Variants in CA10 observed in about 807,000 individuals in gnomAD.
CA10 encodes the protein carbonic anhydrase-related protein 10.
Under a neutral mutation model 44.2 loss-of-function variants are expected in CA10, and 14 were observed. That is an observed-to-expected ratio of 0.32 (90% CI 0.21 to 0.50). CA10 has a LOEUF of 0.50. Ranked by LOEUF, CA10 falls within the 20% of genes least tolerant of loss-of-function variation. CA10 has a pLI of 0.99. For synonymous variants in CA10, 159 were observed against 141.6 expected (o/e 1.12, Z -0.87); for missense variants, 350 against 409.7 (o/e 0.85, Z 1.26).
intron 3 of CA10, among the ~76,000 whole-genome samples, chr17:51,854,990 T>A (rs1038499371): frequency 2.6e-5 from 4 of 152,178 alleles, no homozygotes; most frequent in African/African-American, 9.7e-5. Flanking sequence ...GAGTCAGTGC[T>A]CTGATGCTGC....
chr17:52,083,369 C>T (rs571918796), intron 1 of CA10, among the ~76,000 whole-genome samples: 1 of 152,224 alleles, frequency 6.6e-6, no homozygotes, highest in Non-Finnish European at 1.5e-5. Context: ...CACAAATTTG[C>T]TACTAATTGT....
intron 5 of CA10, among the ~76,000 whole-genome samples, chr17:51,653,409 C>A (rs1352738716): frequency 6.6e-6 from 1 of 150,680 alleles, no homozygotes; most frequent in Admixed American, 6.6e-5. Context: ...AGGACAGAAG[C>A]TGCTTGAATC....
At chr17:51,927,520 C>T (rs890176744) in intron 3 of CA10, among the ~76,000 whole-genome samples, 1 of 152,040 alleles carries the variant, frequency 6.6e-6, no homozygotes, top group African/African-American at 2.4e-5. Context: ...ATCTATATTC[C>T]AAAATAATTG....
intron 3 of CA10, among the ~76,000 whole-genome samples, chr17:51,846,576 G>A (rs1298569423): frequency 6.6e-6 from 1 of 152,234 alleles, no homozygotes; most frequent in Admixed American, 6.5e-5. Flanking sequence ...AGGCAAAGCT[G>A]AGTTTAAAGC....
intron 4 of CA10, among the ~76,000 whole-genome samples, chr17:51,704,295 C>A (rs927471243): frequency 6.6e-6 from 1 of 152,130 alleles, no homozygotes; most frequent in Admixed American, 6.5e-5. Flanking sequence ...TATGACATAA[C>A]CAATACTTTG....
chr17:51,854,277 C>T (rs965515779), intron 3 of CA10, among the ~76,000 whole-genome samples: 1 of 152,154 alleles, frequency 6.6e-6, no homozygotes, highest in Non-Finnish European at 1.5e-5. Flanking sequence ...AGCTTCACCC[C>T]TGCTGGACAT....
Position 51,926,931 on chromosome 17 carries a change from T to C in CA10, c.279+4059A>G, listed in dbSNP as rs373350171. Among the ~76,000 whole-genome samples the C allele has an allele frequency of 1.0e-3, 152 of 152,308 alleles. 4 individuals carry two copies. In the East Asian group the frequency reaches 0.023, roughly 23 times the overall value. Reference sequence around the variant, plus strand: ...TATCAACTCCAAATATATTTTCAAATGAAATGGAAAGAGAGGTTAGAACAT... The same window carrying C: ...TATCAACTCCAAATATATTTTCAAACGAAATGGAAAGAGAGGTTAGAACAT... On this transcript the variant is annotated intron_variant, in intron 3 of 8. Transcript: ENST00000451037.
At chr17:51,859,275 A>G (rs776997401) in intron 3 of CA10, among the ~76,000 whole-genome samples, 9 of 152,122 alleles carry the variant, frequency 5.9e-5, no homozygotes, top group Non-Finnish European at 1.2e-4. Context: ...ACAAAACTCT[A>G]CCTTGTGCCT....
At chr17:51,829,415 G>A (rs1216108863) in intron 3 of CA10, among the ~76,000 whole-genome samples, 1 of 152,094 alleles carries the variant, frequency 6.6e-6, no homozygotes, top group African/African-American at 2.4e-5. Context: ...GTTCCATGGG[G>A]GTTCAAAAGA....
intron 3 of CA10, among the ~76,000 whole-genome samples, chr17:51,911,706 A>G (rs903584298): frequency 2.6e-5 from 4 of 152,190 alleles, no homozygotes; most frequent in African/African-American, 9.6e-5. Context: ...TATGATGGAG[A>G]TACCTCTGCA....
intron 2 of CA10, among the ~76,000 whole-genome samples, chr17:51,990,283 C>T (rs1190991316): frequency 2.6e-5 from 4 of 152,104 alleles, no homozygotes; most frequent in Non-Finnish European, 5.9e-5. Flanking sequence ...TTTATAGGTG[C>T]TAGTAGACAT....
intron 3 of CA10, among the ~76,000 whole-genome samples, chr17:51,922,808 C>T (rs1018236940): frequency 2.6e-5 from 4 of 152,052 alleles, no homozygotes; most frequent in Admixed American, 6.6e-5. Context: ...TCTGACAATG[C>T]CTAGCTTTTT....
At chr17:51,863,290 T>A (rs957320437) in intron 3 of CA10, among the ~76,000 whole-genome samples, 3 of 152,220 alleles carry the variant, frequency 2.0e-5, no homozygotes, top group African/African-American at 7.2e-5. Context: ...CTGTCTCCAT[T>A]ACCTAGCCCC....
intron 1 of CA10, among the ~76,000 whole-genome samples, chr17:52,089,845 C>T (rs1988213572): frequency 6.6e-6 from 1 of 151,996 alleles, no homozygotes; most frequent in Admixed American, 6.5e-5. Flanking sequence ...AATTGGTTCT[C>T]TATCTTGAGA....
intron 1 of CA10, among the ~76,000 whole-genome samples, chr17:52,137,948 A>G (rs995463047): frequency 1.3e-5 from 2 of 152,170 alleles, no homozygotes; most frequent in African/African-American, 4.8e-5. Context: ...CTGAATACCT[A>G]TCCTATGTGC....
intron 4 of CA10, among the ~76,000 whole-genome samples, chr17:51,706,124 T>G (rs1915755767): frequency 6.6e-6 from 1 of 152,120 alleles, no homozygotes; most frequent in African/African-American, 2.4e-5. Flanking sequence ...ATTTCCTTAT[T>G]TATGGGGATA....
chr17:51,832,912 G>A (rs536930514), intron 3 of CA10, among the ~76,000 whole-genome samples: 53 of 152,272 alleles, frequency 3.5e-4, no homozygotes, highest in Non-Finnish European at 6.3e-4. Flanking sequence ...ATCACCTATA[G>A]AGGTGATCCA....
At chr17:52,095,242 T>C (rs748798795) in intron 1 of CA10, among the ~76,000 whole-genome samples, 10 of 152,140 alleles carry the variant, frequency 6.6e-5, no homozygotes, top group Admixed American at 1.3e-4. Context: ...GTTATTTATA[T>C]GAAGTTTTAA....
At chr17:51,687,257 G>T (rs578199003) in intron 4 of CA10, among the ~76,000 whole-genome samples, 45 of 152,218 alleles carry the variant, frequency 3.0e-4, no homozygotes, top group African/African-American at 1.0e-3. Flanking sequence ...AGGGCTCACT[G>T]GGTCTTGTCA....
Sources: allele counts gnomAD v4.1 joint callset (sites outside exome capture counted in the v4.1 genomes callset), GRCh38; gene constraint gnomAD v4.1.1; transcripts MANE v1.5; gene names NCBI Gene and HGNC (gene_info 2026-07-23, HGNC 2026-07-21).